Variants in CCDC9 observed in about 807,000 individuals in gnomAD.
CCDC9 encodes the protein coiled-coil domain-containing protein 9.
Under a neutral mutation model 65.6 loss-of-function variants are expected in CCDC9, and 52 were observed. The ratio of observed to expected loss-of-function variants is 0.79; its 90% CI spans 0.63 to 1.00. The LOEUF (loss-of-function observed/expected upper bound fraction) is 1.00, where lower values mean the gene tolerates loss of function less well. CCDC9 is among the 50% of genes least tolerant of loss of function. The probability of loss-of-function intolerance (pLI) is 0.00; values close to 1 mark genes in which losing one functional copy is unlikely to be tolerated. For synonymous variants in CCDC9, 332 were observed against 280.3 expected (o/e 1.18, Z -1.84); for missense variants, 834 against 757.2 (o/e 1.10, Z -1.19).
chr19:47,263,779 T>A (rs1488128292), intron 5 of CCDC9, among the ~76,000 whole-genome samples: 1 of 152,056 alleles, frequency 6.6e-6, no homozygotes, highest in Non-Finnish European at 1.5e-5. Context: ...TTGGCCAGGC[T>A]GGTCTCGAAC....
chr19:47,266,995 C>T (rs990519295), intron 8 of CCDC9, among the ~76,000 whole-genome samples: 4 of 151,930 alleles, frequency 2.6e-5, no homozygotes, highest in East Asian at 1.9e-4. Flanking sequence ...GACGGAGTCT[C>T]GCTCTGTCGC....
In CCDC9 at chr19:47,265,042, T is replaced by C. The variant is rs983581122; in HGVS notation, c.720+96T>C. On this transcript the variant is annotated intron_variant, in intron 7 of 11. Coordinates refer to ENST00000221922, the MANE Select transcript of CCDC9 (RefSeq NM_015603.3). ...CAGATCAGGGCCATGGGGCCTCTCC[T>C]TTTTTGTGCCACAGCACAGGACTTT... The C allele has an allele frequency of 3.6e-6, 4 of 1,099,890 alleles. No homozygotes were observed. The Admixed American group carries it at 1.4e-4, about 39-fold the overall frequency. The allele number at this position is 1,099,890 out of a possible 1,614,324, so 68.1% of individuals were successfully genotyped here. A position where few individuals can be genotyped will look rare whatever the true frequency, so the allele number is the denominator to read the frequency against.
chr19:47,260,166 C>T (rs757427120), intron 3 of CCDC9, among the ~76,000 whole-genome samples, 155 bp from the exon 4 acceptor site: 8 of 152,082 alleles, frequency 5.3e-5, no homozygotes, highest in South Asian at 4.1e-4. Flanking sequence ...GGGGCTGCAA[C>T]GTGCTGAGGT....
intron 3 of CCDC9, among the ~76,000 whole-genome samples, 174 bp downstream of exon 3, chr19:47,258,837 T>C (rs868519346): frequency 3.9e-5 from 6 of 152,364 alleles, no homozygotes; most frequent in Admixed American, 1.3e-4. Context: ...TTCATTCATT[T>C]GTTCACAAAT....
Position 47,271,662 on chromosome 19 carries a change from CT to C in CCDC9, c.1584del (p.Phe528LeufsTer33). The C allele has an allele frequency of 1.9e-6, 3 of 1,587,852 alleles. No homozygotes were observed. Among genetic ancestry groups the C allele is most frequent in the Non-Finnish European group, 2.6e-6 (3 of 1,167,140 alleles). ...GCCCTCTCCCCGGGTGAGGCCTGGCCTTTTGAGAGTGTATGAAGCTGGCTGC... is the reference window on the plus strand; with the variant it reads ...GCCCTCTCCCCGGGTGAGGCCTGGCCTTTGAGAGTGTATGAAGCTGGCTGC... ...AGALSPGEAW[P>X]FESV On this transcript the variant is annotated frameshift_variant, in exon 12 of 12. Transcript: ENST00000221922. LOFTEE classifies it high-confidence loss of function.
At chr19:47,269,120 G>T (rs775738229) in intron 8 of CCDC9, among the ~76,000 whole-genome samples, 1 of 151,852 alleles carries the variant, frequency 6.6e-6, no homozygotes, top group Non-Finnish European at 1.5e-5. Context: ...AAAAAAAAAT[G>T]CATGGTGTCT....
chr19:47,270,546 G>T lies in CCDC9; in HGVS notation c.950-7G>T. The T allele has an allele frequency of 6.2e-7, 1 of 1,614,136 alleles. No individual in the cohort carries two copies. Among genetic ancestry groups the T allele is most frequent in the Non-Finnish European group, 8.5e-7 (1 of 1,180,010 alleles). On this transcript the variant is annotated splice_region_variant and splice_polypyrimidine_tract_variant and intron_variant, in intron 9 of 11. Transcript: ENST00000221922. Reference sequence around the variant, plus strand: ...CCCTTCCCAATGACACCTGGGTTCTGTTGCAGATGACCAGGCCTGGGCCCG... The same window carrying T: ...CCCTTCCCAATGACACCTGGGTTCTTTTGCAGATGACCAGGCCTGGGCCCG...
At position 47,258,656 on chromosome 19, in the gene CCDC9, G is replaced by A. The variant is rs1219279962; in HGVS notation, c.101G>A (p.Arg34His). ...LRRKNEALIR[R>H]YQEIEEDRKK... is the part of the protein sequence containing the mutation. ...CGGAAGAATGAGGCCCTCATCCGGC[G>A]CTACCAGGTGCCCTAGCCCCGCCCT... Residue 34 changes from arginine (R) to histidine (H), a missense_variant, in exon 3 of 12, where the codon CGC becomes CAC. Coordinates refer to ENST00000221922, the MANE Select transcript of CCDC9 (RefSeq NM_015603.3). The A allele has an allele frequency of 1.2e-6, 2 of 1,613,314 alleles. No homozygotes were observed. The highest frequency in any genetic ancestry group is 1.1e-5 in the South Asian group (1 of 91,070).
chr19:47,270,715 A>G (rs368199034), intron 10 of CCDC9, 27 bp downstream of exon 10: 16 of 1,599,996 alleles, frequency 1.0e-5, no homozygotes, highest in East Asian at 9.0e-5. Flanking sequence ...GCGGGCTTGC[A>G]TACCCCCAGG....
At position 47,271,095 on chromosome 19, in the gene CCDC9, C is replaced by A. The variant is rs368896025; in HGVS notation, c.1099C>A (p.Arg367Ser). ...APRAYSDHDD[R>S]WETKEGAASP... ...TGTTCCCTCTAGTGACCATGATGAC[C>A]GCTGGGAGACAAAAGAAGGGGCAGC... The change falls in exon 11 of 12, where the codon CGC becomes AGC. Residue 367 changes from arginine (R) to serine (S), a missense_variant. Arg to Ser is a moderately radical substitution (Grantham distance 110, BLOSUM62 -1). Coordinates refer to ENST00000221922, the MANE Select transcript of CCDC9 (RefSeq NM_015603.3). 6.4e-7 allele frequency: 1 copy of A among 1,554,672 alleles called. No homozygotes were observed.
chr19:47,261,288 T>G (rs2059044214), intron 5 of CCDC9, among the ~76,000 whole-genome samples: 1 of 152,146 alleles, frequency 6.6e-6, no homozygotes, highest in Non-Finnish European at 1.5e-5. Context: ...CTCTATCTGG[T>G]GTGCTTGTGA....
downstream of CCDC9, chr19:47,271,966 A>T: frequency 7.9e-7 from 1 of 1,272,622 alleles, no homozygotes; most frequent in Non-Finnish European, 9.9e-7. Context: ...ACATTCCCCC[A>T]GGTGTGTCCT....
At chr19:47,261,140 C>T (rs886613003) in intron 5 of CCDC9, among the ~76,000 whole-genome samples, 1 of 152,068 alleles carries the variant, frequency 6.6e-6, no homozygotes, top group Non-Finnish European at 1.5e-5. Flanking sequence ...TCCCTCCCCT[C>T]TCCTGCTTAG....
chr19:47,267,655 C>T (rs902291819), intron 8 of CCDC9, among the ~76,000 whole-genome samples: 1 of 152,190 alleles, frequency 6.6e-6, no homozygotes, highest in East Asian at 1.9e-4. Flanking sequence ...CCCCGCCTCA[C>T]TGGGGCGGGG....
At chr19:47,260,999 T>TCTCCTC (rs1263297635) in intron 5 of CCDC9, among the ~76,000 whole-genome samples, 160 bp downstream of exon 5, 1 of 151,986 alleles carries the variant, frequency 6.6e-6, no homozygotes, top group African/African-American at 2.4e-5. Flanking sequence ...TCCACCTCCT[T>TCTCCTC]CTCCTCCTCC....
intron 8 of CCDC9, among the ~76,000 whole-genome samples, chr19:47,270,167 C>T (rs1278237613): frequency 1.3e-5 from 2 of 152,024 alleles, no homozygotes; most frequent in African/African-American, 4.8e-5. Context: ...TGGGGCTTCA[C>T]CATGTTCACC....
At chr19:47,263,960 C>T (rs1010101684) in intron 5 of CCDC9, among the ~76,000 whole-genome samples, 4 of 152,042 alleles carry the variant, frequency 2.6e-5, no homozygotes, top group Non-Finnish European at 5.9e-5. Flanking sequence ...CTCACTGCAA[C>T]GTCCACCTCC....
intron 6 of CCDC9, 33 bp downstream of exon 6, chr19:47,264,719 G>A (rs745425218): frequency 6.9e-6 from 11 of 1,601,974 alleles, no homozygotes; most frequent in South Asian, 2.2e-5. Flanking sequence ...AGGCAGGGCC[G>A]AGCTGCCTGG....
intron 5 of CCDC9, 40 bp from the exon 6 acceptor site, chr19:47,264,563 T>G (rs2059067792): frequency 1.9e-6 from 3 of 1,545,224 alleles, no homozygotes; most frequent in Middle Eastern, 1.8e-4. Context: ...AGCTTAATAG[T>G]TCTCCCTGAA....
Sources: allele counts gnomAD v4.1 joint callset (sites outside exome capture counted in the v4.1 genomes callset), GRCh38; gene constraint gnomAD v4.1.1; transcripts MANE v1.5; gene names NCBI Gene and HGNC (gene_info 2026-07-23, HGNC 2026-07-21).